Variants in SCML4 observed in about 807,000 individuals in gnomAD.
The protein encoded by SCML4 is Scm polycomb group protein like 4.
In SCML4, 34 loss-of-function variants were observed where a neutral mutation model predicts 41.1. That is an observed-to-expected ratio of 0.83 (90% CI 0.63 to 1.10). The LOEUF is 1.10. SCML4 is among the 50% of genes least tolerant of loss of function. The probability of loss-of-function intolerance (pLI) is 0.00; values close to 1 mark genes in which losing one functional copy is unlikely to be tolerated. For synonymous variants in SCML4, 214 were observed against 220.9 expected (o/e 0.97, Z 0.28); for missense variants, 522 against 534.1 (o/e 0.98, Z 0.22).
intron 1 of SCML4, among the ~76,000 whole-genome samples, chr6:107,806,734 C>T (rs752902182): frequency 6.6e-6 from 1 of 152,234 alleles, no homozygotes; most frequent in Non-Finnish European, 1.5e-5. Flanking sequence ...ACCCCAGCCC[C>T]AGGACTCATG....
At chr6:107,777,385 G>A (rs927251577) in intron 1 of SCML4, among the ~76,000 whole-genome samples, 10 of 152,056 alleles carry the variant, frequency 6.6e-5, no homozygotes, top group Admixed American at 6.6e-4. Context: ...CAAAGTGCTG[G>A]GATTACAGGC....
intron 1 of SCML4, among the ~76,000 whole-genome samples, chr6:107,788,251 T>C (rs1782050729): frequency 6.6e-6 from 1 of 152,210 alleles, no homozygotes; most frequent in African/African-American, 2.4e-5. Context: ...GTAAGCAGAA[T>C]AGCAGAGTGA....
At chr6:107,840,030 G>A in the SCML4 span, among the ~76,000 whole-genome samples, 1 of 152,116 alleles carries the variant, frequency 6.6e-6, no homozygotes, top group South Asian at 2.1e-4. Flanking sequence ...ATAAAAATTT[G>A]TTATTATATA....
chr6:107,812,217 C>T (rs1329213962), intron 1 of SCML4, among the ~76,000 whole-genome samples: 1 of 152,212 alleles, frequency 6.6e-6, no homozygotes, highest in African/African-American at 2.4e-5. Context: ...CAGGGACAGT[C>T]TCTAAAAGGT....
At chr6:107,842,047 A>T in the SCML4 span, among the ~76,000 whole-genome samples, 1 of 152,340 alleles carries the variant, frequency 6.6e-6, no homozygotes, top group Non-Finnish European at 1.5e-5. Context: ...CTTTTCTAAT[A>T]TAAGCATTTA....
intron 1 of SCML4, among the ~76,000 whole-genome samples, chr6:107,790,939 G>T (rs564560579): frequency 5.9e-5 from 9 of 152,174 alleles, no homozygotes; most frequent in South Asian, 2.1e-4. Context: ...ACATGGTGGT[G>T]CATGCCTGTA....
chr6:107,822,508 C>T (rs74796899), intron 1 of SCML4, among the ~76,000 whole-genome samples: 50 of 137,986 alleles, frequency 3.6e-4, no homozygotes, highest in African/African-American at 6.3e-4. Flanking sequence ...TTTTTCTTTT[C>T]TTTTTTTTTT....
At chr6:107,839,399 AAGAAAGAAAG>A in the SCML4 span, among the ~76,000 whole-genome samples, 205 of 142,436 alleles carry the variant, frequency 1.4e-3, 3 homozygotes, top group African/African-American at 5.3e-3. Context: ...GAAAGAAAGA[AAGAAAGAAAG>A]AGGAAGAAGA....
chr6:107,788,174 T>C (rs988569189), intron 1 of SCML4, among the ~76,000 whole-genome samples: 1 of 152,214 alleles, frequency 6.6e-6, no homozygotes, highest in South Asian at 2.1e-4. Context: ...AAAGCTTTGC[T>C]TCCCCAATAG....
At chr6:107,835,576 C>G in the SCML4 span, among the ~76,000 whole-genome samples, 5 of 151,282 alleles carry the variant, frequency 3.3e-5, no homozygotes, top group Middle Eastern at 3.4e-3. Context: ...CTTGTCTCTA[C>G]TAAAAATCAA....
At position 107,746,804 on chromosome 6, in the gene SCML4, G is replaced by C. The variant is rs751899100; in HGVS notation, c.372C>G (p.Pro124=). 8 of 1,614,076 alleles carry C rather than the reference G, an allele frequency of 5.0e-6. No individual in the cohort carries two copies. Among genetic ancestry groups the C allele is most frequent in the Non-Finnish European group, 6.8e-6 (8 of 1,179,972 alleles). The part of the protein sequence containing the change: ...KVQQLPEHFG[P]ERPSAVLQQA... ...GCTGCAGCACCGCCGATGGCCGCTC[G>C]GGCCCAAAATGCTCCGGGAGCTGCT... Residue 124 remains proline, a synonymous_variant, in exon 4 of 8, where the codon CCC becomes CCG. Transcript: ENST00000369020.
At chr6:107,766,100 G>A (rs1435310981) in intron 2 of SCML4, among the ~76,000 whole-genome samples, 1 of 152,182 alleles carries the variant, frequency 6.6e-6, no homozygotes, top group Non-Finnish European at 1.5e-5. Flanking sequence ...GCCGGGTGCA[G>A]TCCTCACACC....
At chr6:107,714,138 A>T (rs1307830655) in intron 6 of SCML4, among the ~76,000 whole-genome samples, 1 of 152,178 alleles carries the variant, frequency 6.6e-6, no homozygotes, top group Non-Finnish European at 1.5e-5. Context: ...CTCAATCCTT[A>T]GAGTTTAATC....
intron 5 of SCML4, among the ~76,000 whole-genome samples, chr6:107,743,653 G>A (rs1206233532): frequency 6.6e-6 from 1 of 152,188 alleles, no homozygotes; most frequent in African/African-American, 2.4e-5. Flanking sequence ...ACTTCTCCAA[G>A]CTCACACATG....
chr6:107,820,854 A>G (rs1784898245), intron 1 of SCML4, among the ~76,000 whole-genome samples: 1 of 152,104 alleles, frequency 6.6e-6, no homozygotes, highest in African/African-American at 2.4e-5. Context: ...TAGAAAAGAA[A>G]AAAAAGAAGA....
intron 6 of SCML4, among the ~76,000 whole-genome samples, chr6:107,717,555 A>G (rs1045406215): frequency 2.0e-5 from 3 of 151,898 alleles, no homozygotes; most frequent in African/African-American, 4.8e-5. Flanking sequence ...ATTTTTATTT[A>G]TTTATTTTTT....
At chr6:107,746,305 A>C (rs1254728400) in intron 4 of SCML4, 2 of 183,538 alleles carry the variant, frequency 1.1e-5, no homozygotes, top group African/African-American at 2.4e-5. Context: ...GATCTGACTT[A>C]GATTTTTAAA....
At chr6:107,805,499 A>G (rs1035827385) in intron 1 of SCML4, among the ~76,000 whole-genome samples, 1 of 152,180 alleles carries the variant, frequency 6.6e-6, no homozygotes, top group African/African-American at 2.4e-5. Flanking sequence ...CCCCATTTAA[A>G]TGAAAGTGAA....
intron 2 of SCML4, among the ~76,000 whole-genome samples, chr6:107,770,792 T>C (rs1305165666): frequency 6.6e-6 from 1 of 152,146 alleles, no homozygotes; most frequent in Non-Finnish European, 1.5e-5. Flanking sequence ...CATTCTTGGG[T>C]CACAGCCTCC....
Sources: gnomAD v4.1 joint callset for allele counts (sites outside exome capture counted in the v4.1 genomes callset) on GRCh38, gnomAD v4.1.1 for gene constraint, MANE v1.5 for transcripts, NCBI Gene and HGNC (gene_info 2026-07-23, HGNC 2026-07-21) for gene names.